PIK3CD: variants seen among roughly 807,000 people sequenced by gnomAD.
PIK3CD encodes the protein phosphatidylinositol-4,5-bisphosphate 3-kinase catalytic subunit delta.
PIK3CD carries 20 observed loss-of-function variants against 122.9 expected under a neutral mutation model. The observed-to-expected ratio is 0.16, with a 90% confidence interval of 0.11 to 0.24. PIK3CD has a LOEUF of 0.24. PIK3CD is among the 10% of genes least tolerant of loss of function. The pLI is 1.00. For missense variants in PIK3CD, 787 were observed against 1,406.3 expected, an observed-to-expected ratio of 0.56 and a Z score of 7.04; for synonymous variants, 596 against 593.4, an observed-to-expected ratio of 1.00 and a Z score of -0.06.
upstream of PIK3CD, among the ~76,000 whole-genome samples, chr1:9,650,818 C>T (rs149704097): frequency 2.7e-5 from 1 of 37,128 alleles, no homozygotes; most frequent in Non-Finnish European, 4.1e-5. Flanking sequence ...CCGCCTGATA[C>T]TAATACTTTA....
intron 1 of PIK3CD, among the ~76,000 whole-genome samples, chr1:9,675,036 A>AAGAG: frequency 7.1e-6 from 1 of 141,600 alleles, no homozygotes; most frequent in East Asian, 2.0e-4. Context: ...AAAAAAAAAA[A>AAGAG]AGAGAGAGAG....
At chr1:9,697,640 A>G (rs1570280373) in intron 2 of PIK3CD, among the ~76,000 whole-genome samples, 1 of 146,998 alleles carries the variant, frequency 6.8e-6, no homozygotes, top group Admixed American at 6.8e-5. Context: ...GGCTGAGGTG[A>G]GAGGATCACT....
intron 3 of PIK3CD, among the ~76,000 whole-genome samples, chr1:9,711,384 C>T (rs1470606928): frequency 6.6e-6 from 1 of 152,104 alleles, no homozygotes; most frequent in Non-Finnish European, 1.5e-5. Flanking sequence ...TGTGAGTCAC[C>T]GCGCCCGACC....
Position 9,710,681 on chromosome 1 carries a change from A to T in PIK3CD, c.141+85A>T, listed in dbSNP as rs185178464. 9.0e-5 allele frequency: 132 copies of T among 1,469,972 alleles called. 2 individuals carry two copies. The highest frequency in any genetic ancestry group is 2.5e-4 in the Admixed American group (15 of 59,564). The allele number at this position is 1,469,972 out of a possible 1,614,324, so 91.1% of individuals were successfully genotyped here. A position where few individuals can be genotyped will look rare whatever the true frequency, so the allele number is the denominator to read the frequency against. ...CACAGATAGACAGACAGACAGACAG[A>T]CAGATGGACAGGTGGACAGACGGAC... On this transcript the variant is annotated intron_variant, in intron 3 of 23. Coordinates refer to ENST00000377346, the MANE Select transcript of PIK3CD (RefSeq NM_005026.5). The surrounding 1 kb of genome is among the most constrained non-coding windows in gnomAD (Gnocchi z 4.7).
At chr1:9,686,293 A>G (rs1283857738) in intron 1 of PIK3CD, among the ~76,000 whole-genome samples, 2 of 152,022 alleles carry the variant, frequency 1.3e-5, no homozygotes, top group African/African-American at 4.8e-5. Flanking sequence ...CTTCTGGGCC[A>G]AGCAATCCTT....
In PIK3CD at chr1:9,666,718, T is replaced by C. The variant is rs561957099; in HGVS notation, c.-138+14916T>C. 2.6e-5 allele frequency among the ~76,000 whole-genome samples: 4 copies of C among 152,260 alleles called. No homozygotes were observed. The East Asian group carries it at 7.7e-4, about 29-fold the overall frequency. ...TTTTAATTTTTATTTACTTATTTAT[T>C]TTTTGAGGCAGAGTCTCGCTCTGTC... On this transcript the variant is annotated intron_variant, in intron 1 of 23. Coordinates refer to ENST00000377346, the MANE Select transcript of PIK3CD (RefSeq NM_005026.5).
rs371088143 is a variant in PIK3CD at position 9,717,640 on chromosome 1, G to T, written c.1020+14G>T. 1 of 1,612,312 alleles carries T rather than the reference G, an allele frequency of 6.2e-7. No individual in the cohort carries two copies. Among genetic ancestry groups the T allele is most frequent in the Non-Finnish European group, 8.5e-7 (1 of 1,178,584 alleles). ...GAGCGGATGAAGGTGGGGCTCCTGG[G>T]ATAGGTGGGAGAGACACTGTTTTTT... On this transcript the variant is annotated intron_variant, in intron 8 of 23. Coordinates refer to ENST00000377346, the MANE Select transcript of PIK3CD (RefSeq NM_005026.5). The surrounding 1 kb of genome is among the most constrained non-coding windows in gnomAD (Gnocchi z 5.4).
chr1:9,637,604 C>T, the PIK3CD span, among the ~76,000 whole-genome samples: 3 of 150,616 alleles, frequency 2.0e-5, no homozygotes, highest in Non-Finnish European at 4.4e-5. Flanking sequence ...CAGGGCCACA[C>T]TCTCTCTGGA....
intron 3 of PIK3CD, among the ~76,000 whole-genome samples, chr1:9,711,685 T>C (rs538458450): frequency 6.6e-6 from 1 of 151,176 alleles, no homozygotes; most frequent in Non-Finnish European, 1.5e-5. Flanking sequence ...GGTGAGCCTC[T>C]TACCTCAGCC....
intron 1 of PIK3CD, among the ~76,000 whole-genome samples, chr1:9,659,723 C>T (rs1644958049): frequency 6.6e-6 from 1 of 152,084 alleles, no homozygotes; most frequent in Non-Finnish European, 1.5e-5. Flanking sequence ...TTTTTTAAGG[C>T]TGGACATTCC....
At chr1:9,649,085 G>C (rs777384931), upstream of PIK3CD, among the ~76,000 whole-genome samples, 7 of 151,194 alleles carry the variant, frequency 4.6e-5, no homozygotes, top group Non-Finnish European at 1.0e-4. Context: ...CTGGGTGACA[G>C]AGCAAGACCC....
In PIK3CD at chr1:9,723,372, G is replaced by A; in HGVS notation, c.2594+80G>A. The A allele has an allele frequency of 5.6e-6, 8 of 1,437,450 alleles. No individual in the cohort carries two copies. The highest frequency in any genetic ancestry group is 7.8e-6 in the Non-Finnish European group (8 of 1,020,786). The allele number at this position is 1,437,450 out of a possible 1,614,324, so 89.0% of individuals were successfully genotyped here. On this transcript the variant is annotated intron_variant, in intron 20 of 23. Transcript: ENST00000377346. The surrounding 1 kb of genome is among the most constrained non-coding windows in gnomAD (Gnocchi z 4.9). Reference sequence around the variant, plus strand: ...GGAGGGCCTCGCCTGTCAGAACAAAGGAGCGGGGAGGGGCCTCAGACCATC... The same window carrying A: ...GGAGGGCCTCGCCTGTCAGAACAAAAGAGCGGGGAGGGGCCTCAGACCATC...
At chr1:9,691,060 T>C (rs909143997) in intron 1 of PIK3CD, among the ~76,000 whole-genome samples, 2 of 152,182 alleles carry the variant, frequency 1.3e-5, no homozygotes, top group Non-Finnish European at 2.9e-5. Context: ...TGAAAACAGA[T>C]CCACATGGGG....
chr1:9,718,691 C>T lies in PIK3CD; in HGVS notation c.1021-3C>T, dbSNP rs933446799. On this transcript the variant is annotated splice_polypyrimidine_tract_variant and splice_region_variant and intron_variant, in intron 8 of 23. Coordinates refer to ENST00000377346, the MANE Select transcript of PIK3CD (RefSeq NM_005026.5). This position sits in a 1 kb window ranked among gnomAD's most constrained non-coding sequence, Gnocchi z 7.2. ...TCACCCATCATCCCGGCACCTTCTA[C>T]AGCTGGTGGTGCAGGCCGGGCTTTT... is the stretch of plus-strand genomic sequence containing the variant. The T allele has an allele frequency of 3.7e-6, 6 of 1,602,926 alleles. No individual in the cohort carries two copies. In the African/African-American group the frequency reaches 5.3e-5, roughly 14 times the overall value.
chr1:9,684,364 C>G (rs1557620860), intron 1 of PIK3CD, among the ~76,000 whole-genome samples: 1 of 151,272 alleles, frequency 6.6e-6, no homozygotes, highest in Non-Finnish European at 1.5e-5. Context: ...TGATGAAACC[C>G]CATCTGTACT....
Position 9,719,805 on chromosome 1 carries a change from T to G in PIK3CD, c.1243-116T>G. On this transcript the variant is annotated intron_variant, in intron 9 of 23. Coordinates refer to ENST00000377346, the MANE Select transcript of PIK3CD (RefSeq NM_005026.5). The surrounding 1 kb of genome is among the most constrained non-coding windows in gnomAD (Gnocchi z 5.5). ...CAAGCAGGGTCTCCCAGGGGTCTGG[T>G]TGGGAGATGTTAGCTGGGCTCTGGG... 2 of 851,260 alleles carry G rather than the reference T, an allele frequency of 2.3e-6. No homozygotes were observed. Among genetic ancestry groups the G allele is most frequent in the Non-Finnish European group, 4.1e-6 (2 of 488,454 alleles). The allele number at this position is 851,260 out of a possible 1,614,324, so 52.7% of individuals were successfully genotyped here. A position where few individuals can be genotyped will look rare whatever the true frequency, so the allele number is the denominator to read the frequency against.
rs753135294 is a variant in PIK3CD, at chr1:9,727,086, G to A, written c.*40G>A. 18 of 1,613,036 alleles carry A rather than the reference G, an allele frequency of 1.1e-5. No individual in the cohort carries two copies. Among genetic ancestry groups the A allele is most frequent in the Admixed American group, 3.3e-5 (2 of 59,926 alleles). ...CCTGGGCCCAAGAGGAGGCGGCTGC[G>A]GGTCGTGGGGACCAAGCACATTGGT... On this transcript the variant is annotated 3_prime_UTR_variant, in exon 24 of 24. Transcript: ENST00000377346.
Position 9,727,839 on chromosome 1 carries a change from C to T in PIK3CD, c.*793C>T, listed in dbSNP as rs1437533980. ...TTTTTTTTTGAGATGGGGTCTTCCT[C>T]TGTTGCCCAGGCTGGAGTGCAGTGG... On this transcript the variant is annotated 3_prime_UTR_variant, in exon 24 of 24. Coordinates refer to ENST00000377346, the MANE Select transcript of PIK3CD (RefSeq NM_005026.5). 5.5e-6 allele frequency: 1 copy of T among 180,822 alleles called. No homozygotes were observed. The highest frequency in any genetic ancestry group is 1.2e-5 in the Non-Finnish European group (1 of 85,160). The allele number at this position is 180,822 out of a possible 1,614,324, so 11.2% of individuals were successfully genotyped here. A position where few individuals can be genotyped will look rare whatever the true frequency, so the allele number is the denominator to read the frequency against.
Position 9,719,983 on chromosome 1 carries a change from G to A in PIK3CD, c.1305G>A (p.Gly435=), listed in dbSNP as rs1648240203. The change falls in exon 10 of 24, where the codon GGG becomes GGA. Residue 435 remains glycine (G), a synonymous_variant. Transcript: ENST00000377346. This position sits in a 1 kb window ranked among gnomAD's most constrained non-coding sequence, Gnocchi z 5.5. ...ACTACAAGGACCAGCTTAAGACCGG[G>A]GAACGCTGCCTCTACATGTGGCCCT... is the stretch of plus-strand genomic sequence containing the variant. ...LFDYKDQLKT[G]ERCLYMWPSV... is the part of the protein sequence containing the mutation. The A allele has an allele frequency of 6.2e-7, 1 of 1,613,616 alleles. No homozygotes were observed. The highest frequency in any genetic ancestry group is 1.3e-5 in the African/African-American group (1 of 74,918).
Sources: allele counts gnomAD v4.1 joint callset (sites outside exome capture counted in the v4.1 genomes callset), GRCh38; gene constraint gnomAD v4.1.1; non-coding constraint Gnocchi (gnomAD v3.1); transcripts MANE v1.5; gene names NCBI Gene and HGNC (gene_info 2026-07-23, HGNC 2026-07-21).